Variants in DSG4 observed in about 807,000 individuals in gnomAD.
The protein encoded by DSG4 is desmoglein 4, also known as desmoglein-4.
In DSG4, 87 loss-of-function variants were observed where a neutral mutation model predicts 93.1. The ratio of observed to expected loss-of-function variants is 0.93; its 90% CI spans 0.79 to 1.12. DSG4 has a LOEUF of 1.12. DSG4 is among the 50% of genes most tolerant of loss of function. The pLI is 0.00. For missense variants in DSG4, 1,373 were observed against 1,285.7 expected (o/e 1.07, Z -1.04); for synonymous variants, 432 against 452.9 (o/e 0.95, Z 0.59).
chr18:31,399,695 T>C (rs1402729580), intron 9 of DSG4, 152 bp downstream of exon 9: 1 of 1,077,210 alleles, frequency 9.3e-7, no homozygotes, highest in East Asian at 2.5e-5. Flanking sequence ...TTTGAAATCT[T>C]AGAATTTTAA....
At chr18:31,411,797 A>C (rs1353076729) in intron 15 of DSG4, among the ~76,000 whole-genome samples, 1 of 152,148 alleles carries the variant, frequency 6.6e-6, no homozygotes, top group Non-Finnish European at 1.5e-5. Context: ...AAAAAGGTGC[A>C]TTTATGACCT....
chr18:31,391,046 T>G, intron 6 of DSG4, 32 bp from the exon 7 acceptor site: 3 of 1,612,796 alleles, frequency 1.9e-6, no homozygotes, highest in Non-Finnish European at 2.5e-6. Flanking sequence ...AGACAAAACC[T>G]AAGTCTTACG....
chr18:31,379,223 C>T (rs1371142207), intron 1 of DSG4, among the ~76,000 whole-genome samples: 1 of 152,192 alleles, frequency 6.6e-6, no homozygotes, highest in African/African-American at 2.4e-5. Context: ...TACAGCTCCT[C>T]TTCAAAGTGG....
intron 8 of DSG4, among the ~76,000 whole-genome samples, chr18:31,396,337 A>C (rs936344735): frequency 6.6e-6 from 1 of 151,088 alleles, no homozygotes; most frequent in Non-Finnish European, 1.5e-5. Context: ...AACTCTCGGA[A>C]GAAAATAGGG....
intron 3 of DSG4, 76 bp downstream of exon 3, chr18:31,386,895 GC>G (rs1387415554): frequency 2.5e-6 from 4 of 1,595,496 alleles, no homozygotes; most frequent in Middle Eastern, 1.7e-4. Context: ...AGATTTGCAG[GC>G]TTCACTGCTC....
Position 31,410,496 on chromosome 18 carries a change from ATTAT to A in DSG4, c.2137+693_2137+696del, listed in dbSNP as rs557955093. The stretch of plus-strand genomic sequence containing the variant: ...TAGAGTAGTGCCTGGCACTGTAGTA[ATTAT>A]TTATAATACAAGCTGTTTTTTTTTA... On this transcript the variant is annotated intron_variant, in intron 14 of 15. Transcript: ENST00000308128. 4.8e-3 allele frequency among the ~76,000 whole-genome samples: 727 copies of A among 152,148 alleles called. 6 individuals carry two copies. The highest frequency in any genetic ancestry group is 0.016 in the African/African-American group (669 of 41,518).
chr18:31,385,316 G>A (rs142854726), intron 2 of DSG4, 145 bp downstream of exon 2: 18 of 625,530 alleles, frequency 2.9e-5, no homozygotes, highest in African/African-American at 1.5e-4. Flanking sequence ...CTGAAATAGC[G>A]ATGGTAAAAT....
intron 11 of DSG4, among the ~76,000 whole-genome samples, chr18:31,405,462 A>T (rs2072413789): frequency 6.6e-6 from 1 of 152,188 alleles, no homozygotes; most frequent in African/African-American, 2.4e-5. Flanking sequence ...TGTATATTAT[A>T]TGCCAATTAC....
chr18:31,388,755 T>C, intron 4 of DSG4, 119 bp from the exon 5 acceptor site: 1 of 1,462,346 alleles, frequency 6.8e-7, no homozygotes, highest in Non-Finnish European at 9.5e-7. Flanking sequence ...TATTTGACTG[T>C]ACTACAGTCT....
At chr18:31,379,488 G>A (rs898233796) in intron 1 of DSG4, among the ~76,000 whole-genome samples, 10 of 152,098 alleles carry the variant, frequency 6.6e-5, no homozygotes, top group Admixed American at 6.6e-5. Flanking sequence ...AATCACTTAC[G>A]GCAGGACAGT....
chr18:31,398,183 C>T (rs2072326117), intron 8 of DSG4, among the ~76,000 whole-genome samples: 1 of 151,958 alleles, frequency 6.6e-6, no homozygotes, highest in African/African-American at 2.4e-5. Flanking sequence ...CAGTTCTGTG[C>T]TAAGTATCAT....
chr18:31,397,362 T>C (rs1416242813), intron 8 of DSG4, among the ~76,000 whole-genome samples: 1 of 152,184 alleles, frequency 6.6e-6, no homozygotes, highest in Non-Finnish European at 1.5e-5. Context: ...CTGCAGAGAC[T>C]GAGTTTCCCC....
chr18:31,394,012 T>C (rs1434667595), intron 8 of DSG4, among the ~76,000 whole-genome samples: 1 of 152,184 alleles, frequency 6.6e-6, no homozygotes, highest in Non-Finnish European at 1.5e-5. Flanking sequence ...TTGGAAAACA[T>C]TGCTTTGGGC....
At chr18:31,386,590 A>G in intron 2 of DSG4, 98 bp from the exon 3 acceptor site, 4 of 1,535,562 alleles carry the variant, frequency 2.6e-6, no homozygotes, top group Non-Finnish European at 3.6e-6. Flanking sequence ...ATTCAATATC[A>G]CTGTTTCTTC....
intron 1 of DSG4, chr18:31,382,437 A>AAAATTTTT (rs2072146004): frequency 6.6e-6 from 1 of 152,244 alleles, no homozygotes; most frequent in South Asian, 2.1e-4. Context: ...TTAAAAAAGA[A>AAAATTTTT]AAATTTTTAA....
rs375294486 is a variant in DSG4, at chr18:31,409,429, G to A, written c.1934-23G>A. On this transcript the variant is annotated intron_variant, in intron 12 of 15. Transcript: ENST00000308128. The stretch of plus-strand genomic sequence containing the variant: ...TAAACCGAGCAATGTGTGTTAACTC[G>A]ACATTGTCACTTTCTTGGGCAGTGG... 26 of 1,613,762 alleles carry A rather than the reference G, an allele frequency of 1.6e-5. No homozygotes were observed. In the African/African-American group the frequency reaches 2.1e-4, roughly 13 times the overall value.
chr18:31,397,852 C>A (rs763574854), intron 8 of DSG4, among the ~76,000 whole-genome samples: 4 of 151,820 alleles, frequency 2.6e-5, no homozygotes, highest in Non-Finnish European at 5.9e-5. Context: ...CAGGCAAAAC[C>A]CCCGTCTCTA....
At chr18:31,393,069 G>T (rs1475281306) in intron 8 of DSG4, among the ~76,000 whole-genome samples, 1 of 151,974 alleles carries the variant, frequency 6.6e-6, no homozygotes, top group Non-Finnish European at 1.5e-5. Flanking sequence ...AATTAGAAAC[G>T]AATAAAACCA....
chr18:31,400,798 T>C lies in DSG4; in HGVS notation c.1278-83T>C, dbSNP rs1019219993. The C allele has an allele frequency of 9.8e-6, 14 of 1,425,978 alleles. No individual in the cohort carries two copies. The African/African-American group carries it at 1.1e-4, about 12-fold the overall frequency. 88.3% of individuals were successfully genotyped at this position (1,425,978 alleles called of 1,614,324 possible). On this transcript the variant is annotated intron_variant, in intron 9 of 15. Transcript: ENST00000308128. ...AAAACATAAAAACACAATATTAAAG[T>C]TTGCCACATTGTAGCTGTTACATGA...
Sources: gnomAD v4.1 joint callset for allele counts (sites outside exome capture counted in the v4.1 genomes callset) on GRCh38, gnomAD v4.1.1 for gene constraint, MANE v1.5 for transcripts, NCBI Gene and HGNC (gene_info 2026-07-23, HGNC 2026-07-21) for gene names.